The following FOXP2 variants were observed in gnomAD, a reference collection of about 807,000 sequenced individuals.
The protein encoded by FOXP2 is forkhead box protein P2.
FOXP2 carries 12 observed loss-of-function variants against 115.8 expected under a neutral mutation model. The observed-to-expected ratio is 0.10, with a 90% CI of 0.07 to 0.17. The LOEUF (loss-of-function observed/expected upper bound fraction) is 0.17, where lower values mean the gene tolerates loss of function less well. Ranked by LOEUF, FOXP2 falls within the 10% of genes least tolerant of loss-of-function variation. The probability of loss-of-function intolerance (pLI) is 1.00; values close to 1 mark genes in which losing one functional copy is unlikely to be tolerated. For synonymous variants in FOXP2, 328 were observed against 297.7 expected, an observed-to-expected ratio of 1.10 and a Z score of -1.05; for missense variants, 629 against 843.5, an observed-to-expected ratio of 0.75 and a Z score of 3.15.
intron 2 of FOXP2, among the ~76,000 whole-genome samples, chr7:114,381,828 G>C (rs922058884): frequency 6.6e-6 from 1 of 152,098 alleles, no homozygotes; most frequent in Non-Finnish European, 1.5e-5. Flanking sequence ...TGGAGTTCTT[G>C]TTGGGTCTCG....
At chr7:114,146,499 G>A (rs757259551) in intron 1 of FOXP2, among the ~76,000 whole-genome samples, 6 of 152,184 alleles carry the variant, frequency 3.9e-5, no homozygotes, top group Non-Finnish European at 7.3e-5. Flanking sequence ...ATGGTAGATT[G>A]AGGAGGATGC....
chr7:114,162,600 C>T (rs1792871430), upstream of FOXP2, among the ~76,000 whole-genome samples: 1 of 151,894 alleles, frequency 6.6e-6, no homozygotes. Flanking sequence ...ACCTAATCGT[C>T]TTTGCCAGTC....
chr7:114,299,176 C>A (rs754925838), intron 2 of FOXP2, among the ~76,000 whole-genome samples: 20 of 152,016 alleles, frequency 1.3e-4, no homozygotes, highest in Non-Finnish European at 2.2e-4. Context: ...TACAATATAT[C>A]ATTCAAGATG....
At chr7:114,221,440 G>A (rs780038872) in intron 1 of FOXP2, among the ~76,000 whole-genome samples, 1 of 151,952 alleles carries the variant, frequency 6.6e-6, no homozygotes, top group South Asian at 2.1e-4. Flanking sequence ...GAAATCTCTG[G>A]GTTTGCTATA....
intron 2 of FOXP2, among the ~76,000 whole-genome samples, chr7:114,303,144 A>G (rs902706750): frequency 2.0e-5 from 3 of 152,176 alleles, no homozygotes; most frequent in Non-Finnish European, 4.4e-5. Context: ...ATAGGTAGCT[A>G]ATACAATTTT....
At chr7:114,638,995 C>T (rs1021432679) in intron 6 of FOXP2, among the ~76,000 whole-genome samples, 9 of 152,116 alleles carry the variant, frequency 5.9e-5, no homozygotes, top group Admixed American at 2.0e-4. Flanking sequence ...TACAATAGCA[C>T]GGTTATATCA....
At chr7:114,478,345 T>C (rs1796378768) in intron 2 of FOXP2, among the ~76,000 whole-genome samples, 2 of 151,800 alleles carry the variant, frequency 1.3e-5, no homozygotes, top group Admixed American at 1.3e-4. Context: ...ATTTGAAACT[T>C]ATTCAGGATT....
At chr7:114,460,797 A>G (rs888423283) in intron 2 of FOXP2, among the ~76,000 whole-genome samples, 2 of 152,210 alleles carry the variant, frequency 1.3e-5, no homozygotes, top group African/African-American at 2.4e-5. Context: ...ATCAAAAACT[A>G]TATCAGGGAG....
chr7:114,382,187 A>G (rs895676777), intron 2 of FOXP2, among the ~76,000 whole-genome samples: 2 of 152,108 alleles, frequency 1.3e-5, no homozygotes, highest in African/African-American at 4.8e-5. Context: ...ACAGATCTGG[A>G]GGACAGTTGT....
intron 1 of FOXP2, among the ~76,000 whole-genome samples, chr7:114,164,505 C>T (rs907842404): frequency 1.3e-5 from 2 of 151,858 alleles, no homozygotes; most frequent in Admixed American, 6.6e-5. Flanking sequence ...GCCACCACAC[C>T]CAGCTAACTT....
Position 114,317,114 on chromosome 7 carries a change from T to C in FOXP2, c.-11+29005T>C, listed in dbSNP as rs146516449. On this transcript the variant is annotated intron_variant, in intron 2 of 17. Transcript: ENST00000634411. Reference sequence around the variant, plus strand: ...TTCTGATTACTTCTAAATAAAATTTTAGTTGTTTTGTTACTCCCTCCACCC... The same window carrying C: ...TTCTGATTACTTCTAAATAAAATTTCAGTTGTTTTGTTACTCCCTCCACCC... Among the ~76,000 whole-genome samples, 186 of 152,302 alleles carry C rather than the reference T, an allele frequency of 1.2e-3. 4 individuals are homozygous for C. The East Asian group carries it at 0.032, about 26-fold the overall frequency.
At chr7:114,097,875 G>T (rs1341232702) in intron 1 of FOXP2, among the ~76,000 whole-genome samples, 4 of 152,148 alleles carry the variant, frequency 2.6e-5, no homozygotes, top group Non-Finnish European at 5.9e-5. Flanking sequence ...CTGAATCATT[G>T]TGTGTTGATC....
At chr7:114,559,963 A>G (rs1313329468) in intron 3 of FOXP2, among the ~76,000 whole-genome samples, 2 of 152,108 alleles carry the variant, frequency 1.3e-5, no homozygotes, top group Non-Finnish European at 2.9e-5. Flanking sequence ...TTAATAGGTT[A>G]ATATGAAGTA....
chr7:114,526,807 G>A (rs1584853438), intron 2 of FOXP2, among the ~76,000 whole-genome samples: 2 of 152,004 alleles, frequency 1.3e-5, no homozygotes, highest in South Asian at 2.1e-4. Context: ...TATAATTTAT[G>A]TATCACAAAA....
chr7:114,464,056 G>A (rs1795701866), intron 2 of FOXP2, among the ~76,000 whole-genome samples: 1 of 152,142 alleles, frequency 6.6e-6, no homozygotes, highest in South Asian at 2.1e-4. Flanking sequence ...TTGTAAAAAA[G>A]CAGCTCCTTG....
chr7:114,640,026 G>A (rs1005980714), intron 6 of FOXP2, among the ~76,000 whole-genome samples: 1 of 152,126 alleles, frequency 6.6e-6, no homozygotes, highest in African/African-American at 2.4e-5. Context: ...GAAGACAGTT[G>A]GAAGGCTATA....
intron 1 of FOXP2, among the ~76,000 whole-genome samples, chr7:114,092,852 A>G (rs748801104): frequency 6.6e-6 from 1 of 151,888 alleles, no homozygotes; most frequent in Non-Finnish European, 1.5e-5. Flanking sequence ...TTTTTTCCTT[A>G]TGGAGTCTAC....
intron 3 of FOXP2, among the ~76,000 whole-genome samples, chr7:114,590,630 C>T (rs768791615): frequency 3.3e-5 from 5 of 152,040 alleles, no homozygotes; most frequent in African/African-American, 7.2e-5. Flanking sequence ...CTTTTAGGTC[C>T]GTCTTGCTCT....
intron 2 of FOXP2, among the ~76,000 whole-genome samples, chr7:114,489,829 C>G (rs889803033): frequency 1.3e-5 from 2 of 152,044 alleles, no homozygotes; most frequent in Non-Finnish European, 2.9e-5. Context: ...TGAAAAGATG[C>G]TCCACATTGT....
Sources: gnomAD v4.1 joint callset for allele counts (sites outside exome capture counted in the v4.1 genomes callset) on GRCh38, gnomAD v4.1.1 for gene constraint, MANE v1.5 for transcripts, NCBI Gene and HGNC (gene_info 2026-07-23, HGNC 2026-07-21) for gene names.